Variants in VEGFC observed in about 807,000 individuals in gnomAD.
The protein encoded by VEGFC is vascular endothelial growth factor C, also known as FLT4 ligand DHM.
VEGFC carries 12 observed loss-of-function variants against 46.1 expected under a neutral mutation model. That is an observed-to-expected ratio of 0.26 (90% CI 0.17 to 0.42). The LOEUF (loss-of-function observed/expected upper bound fraction) is 0.42, where lower values mean the gene tolerates loss of function less well. Among genes scored for constraint, VEGFC ranks in the 10% least tolerant of loss-of-function variants. The probability of loss-of-function intolerance (pLI) is 1.00; values close to 1 mark genes in which losing one functional copy is unlikely to be tolerated. For synonymous variants in VEGFC, 232 were observed against 195.5 expected (o/e 1.19, Z -1.56); for missense variants, 488 against 529.4 (o/e 0.92, Z 0.77).
intron 1 of VEGFC, among the ~76,000 whole-genome samples, chr4:176,785,817 T>C: frequency 6.6e-6 from 1 of 152,218 alleles, no homozygotes; most frequent in Non-Finnish European, 1.5e-5. Flanking sequence ...AAGCGGTGTA[T>C]GCATGAATAT....
chr4:176,732,020 CTT>C (rs989240622), intron 1 of VEGFC, among the ~76,000 whole-genome samples: 4 of 151,796 alleles, frequency 2.6e-5, no homozygotes, highest in Middle Eastern at 3.4e-3. Context: ...TATTTATACT[CTT>C]AGGCTGAAAA....
At chr4:176,727,383 C>T (rs1331875192) in intron 3 of VEGFC, among the ~76,000 whole-genome samples, 3 of 152,178 alleles carry the variant, frequency 2.0e-5, no homozygotes, top group Non-Finnish European at 4.4e-5. Context: ...ACTTTGAATA[C>T]TGTTTGCACT....
chr4:176,788,510 T>G (rs192035109), intron 1 of VEGFC, among the ~76,000 whole-genome samples: 209 of 152,328 alleles, frequency 1.4e-3, no homozygotes, highest in South Asian at 2.3e-3. Context: ...ACATACATGC[T>G]TCTCGATTTA....
chr4:176,757,235 G>A (rs1735447637), intron 1 of VEGFC, among the ~76,000 whole-genome samples: 1 of 151,954 alleles, frequency 6.6e-6, no homozygotes, highest in Non-Finnish European at 1.5e-5. Context: ...AACAGTGAAT[G>A]TTAGGGGCCA....
At chr4:176,698,966 ATC>A (rs1428575533) in intron 4 of VEGFC, among the ~76,000 whole-genome samples, 2 of 152,166 alleles carry the variant, frequency 1.3e-5, no homozygotes, top group African/African-American at 4.8e-5. Context: ...ACTTCCCCAG[ATC>A]TCTCTTAAAA....
intron 4 of VEGFC, among the ~76,000 whole-genome samples, chr4:176,710,703 G>C (rs1734607077): frequency 6.6e-6 from 1 of 152,088 alleles, no homozygotes; most frequent in Admixed American, 6.6e-5. Context: ...GATATCCTAA[G>C]GAACAAAGGG....
chr4:176,767,841 A>G (rs1735653771), intron 1 of VEGFC, among the ~76,000 whole-genome samples: 1 of 152,182 alleles, frequency 6.6e-6, no homozygotes, highest in Non-Finnish European at 1.5e-5. Flanking sequence ...GGAGGTGAAG[A>G]TAAGAACCAG....
chr4:176,723,142 T>G (rs1437573447), intron 3 of VEGFC, among the ~76,000 whole-genome samples: 2 of 152,178 alleles, frequency 1.3e-5, no homozygotes, highest in African/African-American at 4.8e-5. Flanking sequence ...GTAAGAAAGA[T>G]ATAATGTTGG....
chr4:176,738,866 A>G (rs1192364013), intron 1 of VEGFC, among the ~76,000 whole-genome samples: 3 of 151,954 alleles, frequency 2.0e-5, no homozygotes, highest in Non-Finnish European at 4.4e-5. Flanking sequence ...AAAAAATCCC[A>G]TTAAAAAGTG....
At chr4:176,690,396 T>C (rs1734134681) in intron 4 of VEGFC, among the ~76,000 whole-genome samples, 1 of 152,066 alleles carries the variant, frequency 6.6e-6, no homozygotes, top group Admixed American at 6.6e-5. Context: ...TGCATATATG[T>C]TTTTTCACAT....
chr4:176,747,731 G>A lies in VEGFC; in HGVS notation c.148-17985C>T, dbSNP rs141824883. On this transcript the variant is annotated intron_variant, in intron 1 of 6. Transcript: ENST00000618562. ...ATCCCTTGAGCCCAGGTTCAAGGCT[G>A]CAGTGAGCTACAATTGTGCCACTGC... Among the ~76,000 whole-genome samples, 5 of 152,162 alleles carry A rather than the reference G, an allele frequency of 3.3e-5. No individual in the cohort carries two copies. The East Asian group carries it at 5.8e-4, about 18-fold the overall frequency.
At chr4:176,716,293 A>T (rs1485804329) in intron 3 of VEGFC, among the ~76,000 whole-genome samples, 1 of 151,988 alleles carries the variant, frequency 6.6e-6, no homozygotes, top group Admixed American at 6.6e-5. Flanking sequence ...CCTAACAATG[A>T]GGGCGGGGCA....
intron 1 of VEGFC, among the ~76,000 whole-genome samples, chr4:176,775,925 A>G (rs1243035592): frequency 6.6e-6 from 1 of 151,164 alleles, no homozygotes; most frequent in East Asian, 1.9e-4. Flanking sequence ...AGGCTTACCA[A>G]AAAAAAAAGA....
At chr4:176,790,195 T>G (rs950419448) in intron 1 of VEGFC, among the ~76,000 whole-genome samples, 2 of 152,160 alleles carry the variant, frequency 1.3e-5, no homozygotes, top group African/African-American at 4.8e-5. Context: ...ATTCACCCAC[T>G]GGGGAACGAC....
chr4:176,710,848 G>A (rs1734608920), intron 4 of VEGFC, among the ~76,000 whole-genome samples: 1 of 151,890 alleles, frequency 6.6e-6, no homozygotes, highest in South Asian at 2.1e-4. Context: ...GATCACATGA[G>A]GTATATGCTG....
intron 1 of VEGFC, among the ~76,000 whole-genome samples, chr4:176,765,461 A>G (rs1483805202): frequency 1.3e-5 from 2 of 152,128 alleles, no homozygotes; most frequent in African/African-American, 4.8e-5. Flanking sequence ...AGATTCAAAA[A>G]TTGCTATGAT....
chr4:176,748,386 A>G (rs1270450462), intron 1 of VEGFC, among the ~76,000 whole-genome samples: 1 of 152,096 alleles, frequency 6.6e-6, no homozygotes, highest in Admixed American at 6.6e-5. Flanking sequence ...CAACCTCATT[A>G]AAGTTTCAGT....
intron 4 of VEGFC, among the ~76,000 whole-genome samples, chr4:176,706,394 C>T (rs980621035): frequency 7.9e-5 from 12 of 151,854 alleles, no homozygotes; most frequent in Admixed American, 2.0e-4. Flanking sequence ...TTTGGGAGGC[C>T]GAGGCGGGTA....
At chr4:176,746,342 G>A (rs1228496353) in intron 1 of VEGFC, among the ~76,000 whole-genome samples, 2 of 151,906 alleles carry the variant, frequency 1.3e-5, no homozygotes, top group African/African-American at 4.8e-5. Context: ...ACACAGAGCT[G>A]GGCATTCTCT....
Sources: allele counts gnomAD v4.1 joint callset (sites outside exome capture counted in the v4.1 genomes callset), GRCh38; gene constraint gnomAD v4.1.1; transcripts MANE v1.5; gene names NCBI Gene and HGNC (gene_info 2026-07-23, HGNC 2026-07-21).